Variants in SMG1 observed in about 807,000 individuals in gnomAD.
SMG1 encodes the protein SMG1 nonsense mediated mRNA decay associated PI3K related kinase.
In SMG1, 22 loss-of-function variants were observed where a neutral mutation model predicts 419.9. The ratio of observed to expected loss-of-function variants is 0.05; its 90% CI spans 0.04 to 0.07. SMG1 has a LOEUF of 0.07. Among genes scored for constraint, SMG1 ranks in the 10% least tolerant of loss-of-function variants. The pLI is 1.00. For missense variants in SMG1, 3,185 were observed against 4,342.0 expected, an observed-to-expected ratio of 0.73 and a Z score of 7.49; for synonymous variants, 1,538 against 1,553.5, an observed-to-expected ratio of 0.99 and a Z score of 0.23.
At position 18,868,352 on chromosome 16, in the gene SMG1, G is replaced by A. The variant is rs2035633870; in HGVS notation, c.3033C>T (p.Val1011=). The A allele has an allele frequency of 7.4e-7, 1 of 1,348,498 alleles. No homozygotes were observed. Among genetic ancestry groups the A allele is most frequent in the African/African-American group, 1.4e-5 (1 of 69,124 alleles). The allele number at this position is 1,348,498 out of a possible 1,614,324, so 83.5% of individuals were successfully genotyped here. A position where few individuals can be genotyped will look rare whatever the true frequency, so the allele number is the denominator to read the frequency against. Residue 1011 remains valine, a splice_region_variant and synonymous_variant, in exon 22 of 63, where the codon GTC becomes GTT. Transcript: ENST00000446231. Reference sequence around the variant, plus strand: ...GATTGGTATAGAAAAAAGTTCTAATGACCTTTACGATAAGAGAAAGAAAAG... The same window carrying A: ...GATTGGTATAGAAAAAAGTTCTAATAACCTTTACGATAAGAGAAAGAAAAG... The part of the protein sequence containing the change: ...CANALTSPPK[V]IRTFFYTNRQ...
Position 18,834,961 on chromosome 16 carries a change from T to A in SMG1, c.8261A>T (p.His2754Leu). Residue 2754 changes from histidine (H) to leucine (L), a missense_variant, in exon 49 of 63, where the codon CAT becomes CTT. Physicochemically the swap from His to Leu is moderately conservative, Grantham distance 99. This residue lies in a region of SMG1 where 412 missense variants were observed against 546.6 expected (regional missense o/e 0.75). Transcript: ENST00000446231. ...EIERCIKVFLHENGEEGSLSL... is the reference protein window; with the variant it reads ...EIERCIKVFLLENGEEGSLSL... Reference sequence around the variant, plus strand: ...CAAAGATCCTTCTTCTCCATTCTCATGAAGGAAAACTTTAATGCAACGTTC... The same window carrying A: ...CAAAGATCCTTCTTCTCCATTCTCAAGAAGGAAAACTTTAATGCAACGTTC... 6.2e-7 allele frequency: 1 copy of A among 1,614,010 alleles called. No individual in the cohort carries two copies. Among genetic ancestry groups the A allele is most frequent in the Non-Finnish European group, 8.5e-7 (1 of 1,179,876 alleles).
At chr16:18,914,966 G>T (rs1201705847) in intron 1 of SMG1, among the ~76,000 whole-genome samples, 12 of 146,646 alleles carry the variant, frequency 8.2e-5, no homozygotes, top group African/African-American at 3.0e-4. Flanking sequence ...TTTCTGAGAC[G>T]GAGTTTTTTT....
chr16:18,897,786 C>T (rs1281436445), intron 1 of SMG1, among the ~76,000 whole-genome samples: 1 of 151,908 alleles, frequency 6.6e-6, no homozygotes, highest in Non-Finnish European at 1.5e-5. Context: ...ACTCTTTCAG[C>T]CATCAATCAT....
In SMG1 at chr16:18,833,078, T is replaced by A. The variant is rs2033316674; in HGVS notation, c.8654A>T (p.His2885Leu). The stretch of plus-strand genomic sequence containing the variant: ...CTGCTCAATAAGACCGTCCAGTTCA[T>A]GCAGCATACTTTCTAACGTGTATTC... ...KGEYTLESML[H>L]ELDGLIEQTT... The change falls in exon 51 of 63, where the codon CAT becomes CTT. Residue 2885 changes from histidine (H) to leucine (L), a missense_variant. By Grantham distance (99) the His-to-Leu change is moderately conservative. This residue lies in a region of SMG1 where 737 missense variants were observed against 846.6 expected (regional missense o/e 0.87). Transcript: ENST00000446231. 1.2e-6 allele frequency: 2 copies of A among 1,614,044 alleles called. No individual in the cohort carries two copies. Among genetic ancestry groups the A allele is most frequent in the African/African-American group, 1.3e-5 (1 of 75,072 alleles).
chr16:18,880,464 G>A (rs1596583977), intron 10 of SMG1, among the ~76,000 whole-genome samples: 1 of 152,104 alleles, frequency 6.6e-6, no homozygotes, highest in Non-Finnish European at 1.5e-5. Context: ...TATCATCCTA[G>A]CACTTTGACA....
At chr16:18,850,556 C>G in intron 33 of SMG1, 89 bp from the exon 34 acceptor site, 1 of 857,582 alleles carries the variant, frequency 1.2e-6, no homozygotes, top group Non-Finnish European at 1.8e-6. Flanking sequence ...AAAAATTCTT[C>G]TCATATATAA....
intron 1 of SMG1, among the ~76,000 whole-genome samples, chr16:18,901,943 C>CA (rs1212860915): frequency 0.027 from 2,738 of 101,996 alleles, 100 homozygotes; most frequent in African/African-American, 0.1. Flanking sequence ...AGACTATCTC[C>CA]AAAAAAAAAA....
chr16:18,817,858 A>G (rs1035740776), intron 56 of SMG1, among the ~76,000 whole-genome samples: 1 of 152,162 alleles, frequency 6.6e-6, no homozygotes, highest in African/African-American at 2.4e-5. Context: ...CTTATCTGGC[A>G]GTATTAAGCT....
intron 20 of SMG1, 102 bp downstream of exon 20, chr16:18,869,002 A>C (rs574100051): frequency 6.5e-6 from 7 of 1,084,752 alleles, no homozygotes; most frequent in Non-Finnish European, 9.4e-6. Context: ...GACTTTTTTC[A>C]AAAAAATCAT....
At chr16:18,901,259 T>C (rs989148835) in intron 1 of SMG1, among the ~76,000 whole-genome samples, 1 of 152,234 alleles carries the variant, frequency 6.6e-6, no homozygotes, top group African/African-American at 2.4e-5. Flanking sequence ...GGTCTCACTC[T>C]GTCACCCAGG....
rs573844434 is a variant in SMG1, at chr16:18,893,338, T to C, written c.413-984A>G. 4.6e-5 allele frequency among the ~76,000 whole-genome samples: 7 copies of C among 152,316 alleles called. No homozygotes were observed. In the East Asian group the frequency reaches 1.2e-3, roughly 25 times the overall value. Reference sequence around the variant, plus strand: ...ATAAAGATGCCTTTAAAAACTAGATTTTTGCTGGGCGAGGTGGCTCTTGCC... The same window carrying C: ...ATAAAGATGCCTTTAAAAACTAGATCTTTGCTGGGCGAGGTGGCTCTTGCC... On this transcript the variant is annotated intron_variant, in intron 3 of 62. Transcript: ENST00000446231.
chr16:18,818,480 G>A (rs532638884), intron 56 of SMG1, among the ~76,000 whole-genome samples: 16 of 151,996 alleles, frequency 1.1e-4, no homozygotes, highest in East Asian at 3.9e-4. Flanking sequence ...CCATCCTCCC[G>A]CCTCAGACTT....
At chr16:18,887,182 G>A (rs1423788791) in intron 6 of SMG1, among the ~76,000 whole-genome samples, 1 of 152,038 alleles carries the variant, frequency 6.6e-6, no homozygotes, top group Non-Finnish European at 1.5e-5. Flanking sequence ...ATTTAATACT[G>A]GTGCATCTAT....
intron 20 of SMG1, 106 bp downstream of exon 20, chr16:18,868,998 T>C: frequency 9.6e-7 from 1 of 1,038,672 alleles, no homozygotes; most frequent in South Asian, 1.5e-5. Flanking sequence ...TATTGACTTT[T>C]TTCAAAAAAA....
chr16:18,923,696 G>A (rs557460201), intron 1 of SMG1, among the ~76,000 whole-genome samples: 1 of 148,944 alleles, frequency 6.7e-6, no homozygotes, highest in East Asian at 1.9e-4. Context: ...GGGACAAAAT[G>A]GTACATAAGA....
At chr16:18,816,277 T>C in intron 58 of SMG1, 25 bp downstream of exon 58, 2 of 1,551,252 alleles carry the variant, frequency 1.3e-6, no homozygotes, top group South Asian at 1.1e-5. Context: ...GGAGAGTAAA[T>C]GTGTGTTCAT....
rs777243049 is a variant in SMG1, at chr16:18,859,050, T to G, written c.4085A>C (p.Asn1362Thr). 4.2e-5 allele frequency: 65 copies of G among 1,534,202 alleles called. No homozygotes were observed. Among genetic ancestry groups the G allele is most frequent in the Admixed American group, 1.4e-4 (7 of 50,840 alleles). The change falls in exon 28 of 63, where the codon AAC (asparagine) becomes ACC (threonine). Residue 1362 changes from asparagine (N) to threonine (T), a missense_variant. Transcript: ENST00000446231. The part of the protein sequence containing the change: ...LQLYCSSALE[N>T]TVSNRLSTED... ...TGTTGAAAGTCTGTTAGAAACTGTGTTCTCCAAAGCAGATGAGCAATACAG... is the reference window on the plus strand; with the variant it reads ...TGTTGAAAGTCTGTTAGAAACTGTGGTCTCCAAAGCAGATGAGCAATACAG...
chr16:18,866,706 T>G lies in SMG1; in HGVS notation c.3265A>C (p.Ile1089Leu). 1 of 1,595,276 alleles carries G rather than the reference T, an allele frequency of 6.3e-7. No individual in the cohort carries two copies. The change falls in exon 23 of 63, where the codon ATA becomes CTA. Residue 1089 changes from isoleucine (I) to leucine (L), a missense_variant. Physicochemically the swap from Ile to Leu is conservative, Grantham distance 5. Transcript: ENST00000446231. ...ALCELHCPEAIQGIAVWSSSI... is the reference protein window; with the variant it reads ...ALCELHCPEALQGIAVWSSSI... ...GATGACCAGACAGCAATTCCCTGTA[T>G]AGCTTCAGGACAATGAAGTTCACAT...
intron 28 of SMG1, 138 bp downstream of exon 28, chr16:18,858,884 A>G: frequency 3.0e-6 from 2 of 662,608 alleles, no homozygotes; most frequent in Non-Finnish European, 2.4e-6. Flanking sequence ...AACTGCCTGA[A>G]AACAGCATGT....
Sources: allele counts gnomAD v4.1 joint callset (sites outside exome capture counted in the v4.1 genomes callset), GRCh38; gene constraint gnomAD v4.1.1; regional missense constraint gnomAD v4.1.1; transcripts MANE v1.5; gene names NCBI Gene and HGNC (gene_info 2026-07-23, HGNC 2026-07-21).